Variants in RPA3 observed in about 807,000 individuals in gnomAD.
RPA3 encodes replication protein A 14 kDa subunit.
Under a neutral mutation model 13.7 loss-of-function variants are expected in RPA3, and 24 were observed. The ratio of observed to expected loss-of-function variants is 1.75; its 90% CI spans 1.27 to 2.46. RPA3 has a LOEUF of 2.46. RPA3 is among the 30% of genes most tolerant of loss of function. The probability of loss-of-function intolerance (pLI) is 0.00; values close to 1 mark genes in which losing one functional copy is unlikely to be tolerated. For synonymous variants in RPA3, 59 were observed against 51.2 expected (o/e 1.15, Z -0.65); for missense variants, 183 against 151.0 (o/e 1.21, Z -1.11).
At chr7:7,695,600 G>T (rs1780294197) in intron 2 of RPA3, among the ~76,000 whole-genome samples, 1 of 152,120 alleles carries the variant, frequency 6.6e-6, no homozygotes, top group South Asian at 2.1e-4. Context: ...GTAACACATT[G>T]AATTTCTGGC....
chr7:7,673,460 C>T (rs1264784161), intron 4 of RPA3: 1 of 801,478 alleles, frequency 1.2e-6, no homozygotes, highest in South Asian at 1.4e-5. Flanking sequence ...TTAGGTGAGT[C>T]TTTTTAAGAA....
intron 2 of RPA3, among the ~76,000 whole-genome samples, chr7:7,712,684 G>A (rs1780796424): frequency 6.6e-6 from 1 of 152,108 alleles, no homozygotes. Context: ...TGGTCTTACT[G>A]CATGGTCTAG....
At chr7:7,706,221 G>T (rs1780595281) in intron 2 of RPA3, among the ~76,000 whole-genome samples, 1 of 152,076 alleles carries the variant, frequency 6.6e-6, no homozygotes, top group Non-Finnish European at 1.5e-5. Context: ...AGAACAAAAC[G>T]GATAATCACC....
chr7:7,694,740 G>C (rs1354702121), intron 2 of RPA3, among the ~76,000 whole-genome samples: 2 of 152,186 alleles, frequency 1.3e-5, no homozygotes, highest in East Asian at 3.9e-4. Flanking sequence ...TGGCTGAATA[G>C]TACTCCATTG....
At chr7:7,678,118 G>C (rs990641985) in intron 4 of RPA3, among the ~76,000 whole-genome samples, 2 of 130,668 alleles carry the variant, frequency 1.5e-5, no homozygotes, top group Middle Eastern at 3.6e-3. Flanking sequence ...TAGAATTGCT[G>C]TATCATATAG....
chr7:7,705,698 A>C (rs942467373), intron 2 of RPA3, among the ~76,000 whole-genome samples: 1 of 152,198 alleles, frequency 6.6e-6, no homozygotes, highest in Non-Finnish European at 1.5e-5. Context: ...AACTACTCTT[A>C]TGTTAATATA....
In RPA3 at chr7:7,636,970, C is replaced by G. The variant is rs961411006; in HGVS notation, c.*30G>C. The stretch of plus-strand genomic sequence containing the variant: ...TCCTTTAATAGACTTTAATATAGCT[C>G]ATTTACAATCGTATGAAAATCCATC... On this transcript the variant is annotated 3_prime_UTR_variant, in exon 8 of 8. Transcript: ENST00000223129. The G allele has an allele frequency of 6.2e-6, 9 of 1,463,386 alleles. No homozygotes were observed. The Admixed American group carries it at 6.7e-5, about 11-fold the overall frequency. The allele number at this position is 1,463,386 out of a possible 1,614,324, so 90.7% of individuals were successfully genotyped here.
intron 4 of RPA3, among the ~76,000 whole-genome samples, chr7:7,670,355 A>C (rs556123631): frequency 1.3e-5 from 2 of 152,334 alleles, no homozygotes; most frequent in South Asian, 2.1e-4. Context: ...GGGTCTCTCT[A>C]TATATACAAA....
intron 2 of RPA3, among the ~76,000 whole-genome samples, chr7:7,714,807 G>C (rs184446589): frequency 1.1e-4 from 16 of 151,136 alleles, no homozygotes; most frequent in African/African-American, 3.9e-4. Context: ...CACTTGTGTA[G>C]AGTAATTTTT....
rs1348392071 is a variant in RPA3, at chr7:7,677,712, C to T, written c.-758+8118G>A. Among the ~76,000 whole-genome samples, 83 of 131,838 alleles carry T rather than the reference C, an allele frequency of 6.3e-4. 1 individual carries two copies. Among genetic ancestry groups the T allele is most frequent in the African/African-American group, 2.3e-3 (79 of 33,830 alleles). The allele number at this position is 131,838 out of a possible 152,430, so 86.5% of individuals were successfully genotyped here. A position where few individuals can be genotyped will look rare whatever the true frequency, so the allele number is the denominator to read the frequency against. On this transcript the variant is annotated intron_variant, in intron 4 of 7. Transcript: ENST00000223129. Reference sequence around the variant, plus strand: ...TTTTTGAGACGGAGTCTCGCTCTGTCGCCCAGGCTGGAGTGCAGTGGCGGG... The same window carrying T: ...TTTTTGAGACGGAGTCTCGCTCTGTTGCCCAGGCTGGAGTGCAGTGGCGGG...
Position 7,668,405 on chromosome 7 carries a change from GGA to G in RPA3, c.-758+17423_-758+17424del, listed in dbSNP as rs988738140. ...ACAGTACTATAAGGTTTTAAGAGAG[GGA>G]GAGAGAGGGGGACCATATTCACATA... On this transcript the variant is annotated intron_variant, in intron 4 of 7. Coordinates refer to ENST00000223129, the MANE Select transcript of RPA3 (RefSeq NM_002947.5). Among the ~76,000 whole-genome samples, 8 of 152,176 alleles carry G rather than the reference GGA, an allele frequency of 5.3e-5. No homozygotes were observed. In the East Asian group the frequency reaches 1.2e-3, roughly 22 times the overall value.
chr7:7,667,683 C>T (rs13239834), intron 4 of RPA3, among the ~76,000 whole-genome samples: 88,205 of 152,048 alleles, frequency 0.58, 25,863 homozygotes, highest in East Asian at 0.8. Flanking sequence ...CTGAGCAAGG[C>T]TTGGGAAAGT....
At chr7:7,648,881 G>T (rs540672747) in intron 4 of RPA3, among the ~76,000 whole-genome samples, 1 of 149,414 alleles carries the variant, frequency 6.7e-6, no homozygotes, top group African/African-American at 2.5e-5. Context: ...AAAAAAGGCC[G>T]GGCGCGGTCG....
chr7:7,694,146 T>C (rs1411900837), intron 2 of RPA3, among the ~76,000 whole-genome samples: 1 of 152,152 alleles, frequency 6.6e-6, no homozygotes, highest in East Asian at 1.9e-4. Context: ...ATTTGAGCAT[T>C]CCAAAGAAGG....
chr7:7,657,352 G>T lies in RPA3; in HGVS notation c.-757-16177C>A, dbSNP rs534596794. Reference sequence around the variant, plus strand: ...TTTGTCAATTTTGGCTTTTGTTGCCGTTGCTTTTGGTGTTTTAGTCATGAA... The same window carrying T: ...TTTGTCAATTTTGGCTTTTGTTGCCTTTGCTTTTGGTGTTTTAGTCATGAA... On this transcript the variant is annotated intron_variant, in intron 4 of 7. Coordinates refer to ENST00000223129, the MANE Select transcript of RPA3 (RefSeq NM_002947.5). 5.9e-4 allele frequency among the ~76,000 whole-genome samples: 90 copies of T among 152,162 alleles called. No individual in the cohort carries two copies. The South Asian group carries it at 9.1e-3, about 15-fold the overall frequency.
intron 4 of RPA3, among the ~76,000 whole-genome samples, chr7:7,657,638 T>G (rs1785374900): frequency 6.6e-6 from 1 of 152,210 alleles, no homozygotes. Flanking sequence ...GTGGTATTAT[T>G]TCTGAGGGCT....
chr7:7,684,784 G>A (rs183468152), intron 4 of RPA3, among the ~76,000 whole-genome samples: 1 of 152,200 alleles, frequency 6.6e-6, no homozygotes, highest in African/African-American at 2.4e-5. Flanking sequence ...ACCAACATCT[G>A]AGGTACCTTT....
chr7:7,636,981 G>T lies in RPA3; in HGVS notation c.*19C>A. ...ACTTTAATATAGCTCATTTACAATC[G>T]TATGAAAATCCATCAAGATCAATCA... On this transcript the variant is annotated 3_prime_UTR_variant, in exon 8 of 8. Transcript: ENST00000223129. 6.5e-7 allele frequency: 1 copy of T among 1,547,522 alleles called. No homozygotes were observed. The highest frequency in any genetic ancestry group is 8.9e-7 in the Non-Finnish European group (1 of 1,121,340).
intron 2 of RPA3, among the ~76,000 whole-genome samples, chr7:7,695,494 G>A (rs1780290395): frequency 6.6e-6 from 1 of 151,972 alleles, no homozygotes; most frequent in South Asian, 2.1e-4. Context: ...TCTCAACCAT[G>A]GTCTTTCCTT....
Sources: allele counts gnomAD v4.1 joint callset (sites outside exome capture counted in the v4.1 genomes callset), GRCh38; gene constraint gnomAD v4.1.1; transcripts MANE v1.5; gene names NCBI Gene and HGNC (gene_info 2026-07-23, HGNC 2026-07-21).